ZBTB17: variants seen among roughly 807,000 people sequenced by gnomAD.
The protein encoded by ZBTB17 is zinc finger and BTB domain containing 17.
In ZBTB17, 24 loss-of-function variants were observed where a neutral mutation model predicts 85.1. The observed-to-expected ratio is 0.28, with a 90% confidence interval of 0.20 to 0.40. The LOEUF (loss-of-function observed/expected upper bound fraction) is 0.40, where lower values mean the gene tolerates loss of function less well. ZBTB17 is among the 10% of genes least tolerant of loss of function. ZBTB17 has a pLI of 1.00. For missense variants in ZBTB17, 743 were observed against 1,105.1 expected (o/e 0.67, Z 4.65); for synonymous variants, 464 against 460.2 (o/e 1.01, Z -0.11).
Position 15,943,906 on chromosome 1 carries a change from G to A in ZBTB17, c.1372-11C>T. 6.3e-7 allele frequency: 1 copy of A among 1,583,678 alleles called. No homozygotes were observed. Among genetic ancestry groups the A allele is most frequent in the Non-Finnish European group, 8.6e-7 (1 of 1,165,326 alleles). On this transcript the variant is annotated splice_polypyrimidine_tract_variant and intron_variant, in intron 9 of 15. Transcript: ENST00000375743. Reference sequence around the variant, plus strand: ...CTTCAGGTTCCCTACCTGTGCCCAGGGAGGGGTCAGGGGGGCCACCCCACA... The same window carrying A: ...CTTCAGGTTCCCTACCTGTGCCCAGAGAGGGGTCAGGGGGGCCACCCCACA...
Position 15,966,823 on chromosome 1 carries a change from G to A in ZBTB17, c.-3+6216C>T, listed in dbSNP as rs958536697. On this transcript the variant is annotated intron_variant, in intron 2 of 15. Transcript: ENST00000375743. The surrounding 1 kb of genome is among the most constrained non-coding windows in gnomAD (Gnocchi z 4.1). ...CACGGGAGGCTGAGGTGGGAGGATC[G>A]CTTGAGCCCTGGAGGTCGAGGCTGC... Among the ~76,000 whole-genome samples, 2 of 151,978 alleles carry A rather than the reference G, an allele frequency of 1.3e-5. No individual in the cohort carries two copies. The highest frequency in any genetic ancestry group is 4.8e-5 in the African/African-American group (2 of 41,378).
intron 2 of ZBTB17, among the ~76,000 whole-genome samples, chr1:15,948,742 G>A (rs1489403464): frequency 6.6e-6 from 1 of 152,110 alleles, no homozygotes; most frequent in African/African-American, 2.4e-5. Context: ...AAAGCACTGG[G>A]GCACCAACAC....
Position 15,951,422 on chromosome 1 carries a change from G to GAGC in ZBTB17, c.-2-2928_-2-2926dup, listed in dbSNP as rs1294488939. On this transcript the variant is annotated intron_variant, in intron 2 of 15. Transcript: ENST00000375743. The surrounding 1 kb of genome is among the most constrained non-coding windows in gnomAD (Gnocchi z 4.1). ...TGGGACTGGCCTCCCAGGGGTGCAA[G>GAGC]AGCAGCTCGAGGGGGCCAGGAGGGG... is the stretch of plus-strand genomic sequence containing the variant. Among the ~76,000 whole-genome samples, 3 of 152,178 alleles carry GAGC rather than the reference G, an allele frequency of 2.0e-5. No homozygotes were observed. The highest frequency in any genetic ancestry group is 7.2e-5 in the African/African-American group (3 of 41,440).
chr1:15,945,203 C>A lies in ZBTB17; in HGVS notation c.662-1G>T. 2 of 1,551,888 alleles carry A rather than the reference C, an allele frequency of 1.3e-6. No individual in the cohort carries two copies. Among genetic ancestry groups the A allele is most frequent in the Non-Finnish European group, 1.7e-6 (2 of 1,147,462 alleles). ...TTCCGGGCGGGCTCCACCTCCATTT[C>A]TGCGGAGAAAAGGGCAAGCATGGAG... On this transcript the variant is annotated splice_acceptor_variant, in intron 6 of 15. Coordinates refer to ENST00000375743, the MANE Select transcript of ZBTB17 (RefSeq NM_003443.3). LOFTEE classifies it high-confidence loss of function.
At chr1:15,969,567 G>A in intron 2 of ZBTB17, 1 of 389,198 alleles carries the variant, frequency 2.6e-6, no homozygotes, top group Non-Finnish European at 5.1e-6. Flanking sequence ...CGCTCATGGG[G>A]TGGGAAGTGT....
intron 2 of ZBTB17, among the ~76,000 whole-genome samples, chr1:15,949,466 C>T (rs2071747183): frequency 6.6e-6 from 1 of 152,262 alleles, no homozygotes; most frequent in African/African-American, 2.4e-5. Flanking sequence ...CACCCACTGT[C>T]TGGGGCCACA....
At position 15,946,301 on chromosome 1, in the gene ZBTB17, A is replaced by G; in HGVS notation, c.395-7T>C. On this transcript the variant is annotated splice_polypyrimidine_tract_variant and splice_region_variant and intron_variant, in intron 4 of 15. Coordinates refer to ENST00000375743, the MANE Select transcript of ZBTB17 (RefSeq NM_003443.3). Reference sequence around the variant, plus strand: ...TTGGCTCTCTTGTCCCCTCCTGGAGATGGAACAGGGCAGACCTGCCGTTTC... The same window carrying G: ...TTGGCTCTCTTGTCCCCTCCTGGAGGTGGAACAGGGCAGACCTGCCGTTTC... The G allele has an allele frequency of 6.2e-7, 1 of 1,611,336 alleles. No individual in the cohort carries two copies. Among genetic ancestry groups the G allele is most frequent in the Non-Finnish European group, 8.5e-7 (1 of 1,178,180 alleles).
At chr1:15,945,287 A>G in intron 6 of ZBTB17, 85 bp from the exon 7 acceptor site, 1 of 1,507,316 alleles carries the variant, frequency 6.6e-7, no homozygotes, top group Non-Finnish European at 8.9e-7. Context: ...TGGAAGGGAC[A>G]GTAAATGGCC....
At position 15,945,207 on chromosome 1, in the gene ZBTB17, G is replaced by C. The variant is rs201944575; in HGVS notation, c.662-5C>G. 3 of 1,551,216 alleles carry C rather than the reference G, an allele frequency of 1.9e-6. No homozygotes were observed. The highest frequency in any genetic ancestry group is 2.6e-6 in the Non-Finnish European group (3 of 1,147,210). On this transcript the variant is annotated splice_region_variant and splice_polypyrimidine_tract_variant and intron_variant, in intron 6 of 15. Coordinates refer to ENST00000375743, the MANE Select transcript of ZBTB17 (RefSeq NM_003443.3). ...GGGCGGGCTCCACCTCCATTTCTGC[G>C]GAGAAAAGGGCAAGCATGGAGGCGG...
rs1310587578 is a variant in ZBTB17, at chr1:15,976,073, C to T, written c.-180G>A. On this transcript the variant is annotated 5_prime_UTR_variant, in exon 1 of 16. Coordinates refer to ENST00000375743, the MANE Select transcript of ZBTB17 (RefSeq NM_003443.3). ...ACTCCAGAGCAGACAAAGGGCGCCG[C>T]CATGTTAGAGTCGGGCGGAACCGAC... 1.5e-6 allele frequency: 1 copy of T among 688,794 alleles called. No homozygotes were observed. The highest frequency in any genetic ancestry group is 2.1e-5 in the Admixed American group (1 of 47,736). The allele number at this position is 688,794 out of a possible 1,614,324, so 42.7% of individuals were successfully genotyped here.
At chr1:15,971,497 A>ATACACAC (rs1315009776) in intron 2 of ZBTB17, among the ~76,000 whole-genome samples, 1 of 68,626 alleles carries the variant, frequency 1.5e-5, no homozygotes, top group African/African-American at 8.1e-5. Context: ...CACACTATAT[A>ATACACAC]TATATACACA....
intron 2 of ZBTB17, among the ~76,000 whole-genome samples, chr1:15,965,092 C>T (rs1396060230): frequency 1.4e-5 from 2 of 141,210 alleles, no homozygotes; most frequent in Non-Finnish European, 3.0e-5. Context: ...CCAGCCGGGG[C>T]AACAGAGTGA....
intron 2 of ZBTB17, among the ~76,000 whole-genome samples, chr1:15,949,898 C>T (rs1022612912): frequency 2.0e-5 from 3 of 152,188 alleles, no homozygotes; most frequent in African/African-American, 7.2e-5. Context: ...CAACAAATAA[C>T]GGGGAGCATG....
At chr1:15,971,284 G>C (rs555839948) in intron 2 of ZBTB17, among the ~76,000 whole-genome samples, 1 of 151,122 alleles carries the variant, frequency 6.6e-6, no homozygotes, top group African/African-American at 2.4e-5. Flanking sequence ...TTTTGGGTAG[G>C]TAGGTGGGTG....
rs1469875146 is a variant in ZBTB17, at chr1:15,944,726, G to T, written c.1041C>A (p.Ala347=). Residue 347 remains alanine (A), a synonymous_variant, in exon 8 of 16, where the codon GCC becomes GCA. Coordinates refer to ENST00000375743, the MANE Select transcript of ZBTB17 (RefSeq NM_003443.3). The part of the protein sequence containing the change: ...RECSKAFSDP[A]ACKAHEKTHS... ...GCGTCTTCTCATGGGCCTTGCACGCGGCCGGGTCGGAAAAGGCCTTGCTGC... is the reference window on the plus strand; with the variant it reads ...GCGTCTTCTCATGGGCCTTGCACGCTGCCGGGTCGGAAAAGGCCTTGCTGC... 1 of 1,611,140 alleles carries T rather than the reference G, an allele frequency of 6.2e-7. No individual in the cohort carries two copies. Among genetic ancestry groups the T allele is most frequent in the Non-Finnish European group, 8.5e-7 (1 of 1,179,890 alleles).
In ZBTB17 at chr1:15,973,378, A is replaced by G. The variant is rs1440047842; in HGVS notation, c.-89-253T>C. ...TCCAGCTCAATAAGAGACAGGACAC[A>G]ATGTTAAGAAGGAAAAACGACAAGG... On this transcript the variant is annotated intron_variant, in intron 1 of 15. Coordinates refer to ENST00000375743, the MANE Select transcript of ZBTB17 (RefSeq NM_003443.3). The surrounding 1 kb of genome is among the most constrained non-coding windows in gnomAD (Gnocchi z 4.1). Among the ~76,000 whole-genome samples the G allele has an allele frequency of 1.3e-5, 2 of 152,196 alleles. No homozygotes were observed. The highest frequency in any genetic ancestry group is 2.9e-5 in the Non-Finnish European group (2 of 68,030).
intron 2 of ZBTB17, among the ~76,000 whole-genome samples, chr1:15,949,695 TG>T (rs1271257190): frequency 6.6e-6 from 1 of 152,114 alleles, no homozygotes. Context: ...ATCAGCATCT[TG>T]GGGGGTGAAT....
intron 2 of ZBTB17, among the ~76,000 whole-genome samples, chr1:15,959,054 G>C (rs2072154680): frequency 6.6e-6 from 1 of 152,208 alleles, no homozygotes; most frequent in Non-Finnish European, 1.5e-5. Flanking sequence ...GGCCCTAGAA[G>C]GGTTTAGCTG....
intron 2 of ZBTB17, among the ~76,000 whole-genome samples, chr1:15,970,579 C>T (rs1395802898): frequency 1.3e-5 from 2 of 151,668 alleles, no homozygotes; most frequent in Non-Finnish European, 2.9e-5. Flanking sequence ...GATGGAGTCT[C>T]GTTCTGTCAC....
Sources: allele counts gnomAD v4.1 joint callset (sites outside exome capture counted in the v4.1 genomes callset), GRCh38; gene constraint gnomAD v4.1.1; non-coding constraint Gnocchi (gnomAD v3.1); transcripts MANE v1.5; gene names NCBI Gene and HGNC (gene_info 2026-07-23, HGNC 2026-07-21).